TAFA5: variants seen among roughly 807,000 people sequenced by gnomAD.
TAFA5 encodes TAFA chemokine like family member 5.
In TAFA5, 6 loss-of-function variants were observed where a neutral mutation model predicts 15.3. The ratio of observed to expected loss-of-function variants is 0.39; its 90% CI spans 0.21 to 0.77. The LOEUF is 0.77. Ranked by LOEUF, TAFA5 falls within the 30% of genes least tolerant of loss-of-function variation. The probability of loss-of-function intolerance (pLI) is 0.41; values close to 1 mark genes in which losing one functional copy is unlikely to be tolerated. For missense variants in TAFA5, 161 were observed against 193.1 expected (o/e 0.83, Z 0.98); for synonymous variants, 103 against 80.7 (o/e 1.28, Z -1.48).
At chr22:48,504,451 A>G (rs1920973859) in intron 1 of TAFA5, among the ~76,000 whole-genome samples, 1 of 152,164 alleles carries the variant, frequency 6.6e-6, no homozygotes, top group African/African-American at 2.4e-5. Flanking sequence ...GGTGGCTCAC[A>G]CCATCATTTG....
rs1922891591 is a variant in TAFA5 at position 48,552,522 on chromosome 22, G to T, written c.112+62818G>T. 6.6e-6 allele frequency among the ~76,000 whole-genome samples: 1 copy of T among 152,130 alleles called. No homozygotes were observed. Among genetic ancestry groups the T allele is most frequent in the African/African-American group, 2.4e-5 (1 of 41,428 alleles). ...GAGGTGGGCAGCCTGCTCTCCTTGG[G>T]TCAGGACATGGAGACTTCACAGCCC... On this transcript the variant is annotated intron_variant, in intron 1 of 3. Transcript: ENST00000402357. This position sits in a 1 kb window ranked among gnomAD's most constrained non-coding sequence, Gnocchi z 4.1.
At chr22:48,644,081 C>G (rs1052297890) in intron 1 of TAFA5, among the ~76,000 whole-genome samples, 1 of 152,238 alleles carries the variant, frequency 6.6e-6, no homozygotes, top group Non-Finnish European at 1.5e-5. Flanking sequence ...CTCATCCTCC[C>G]GGATGCTCTT....
intron 2 of TAFA5, among the ~76,000 whole-genome samples, chr22:48,665,584 A>T (rs1025408401): frequency 4.0e-5 from 6 of 151,790 alleles, no homozygotes; most frequent in Non-Finnish European, 8.8e-5. Flanking sequence ...CTCAAGGCAC[A>T]TTTTTTTTCT....
chr22:48,681,789 A>C lies in TAFA5; in HGVS notation c.263-25928A>C, dbSNP rs188170304. 1.1e-4 allele frequency among the ~76,000 whole-genome samples: 16 copies of C among 152,280 alleles called. 1 individual carries two copies. Among genetic ancestry groups the C allele is most frequent in the African/African-American group, 3.9e-4 (16 of 41,546 alleles). ...AGAAGATGGGGTCTGTCCTTCTTGCACACACTCCGGATCCTGGGGTGTTGT... is the reference window on the plus strand; with the variant it reads ...AGAAGATGGGGTCTGTCCTTCTTGCCCACACTCCGGATCCTGGGGTGTTGT... On this transcript the variant is annotated intron_variant, in intron 2 of 3. Transcript: ENST00000402357.
At chr22:48,498,736 C>T (rs762645386) in intron 1 of TAFA5, among the ~76,000 whole-genome samples, 3 of 152,136 alleles carry the variant, frequency 2.0e-5, no homozygotes, top group Non-Finnish European at 2.9e-5. Context: ...TGCCAGGGGC[C>T]CCTCCTCCCA....
chr22:48,501,282 C>T (rs1416599469), intron 1 of TAFA5, among the ~76,000 whole-genome samples: 4 of 152,240 alleles, frequency 2.6e-5, no homozygotes, highest in Admixed American at 1.3e-4. Context: ...AGTCAGCCCC[C>T]GAGGCCTTCA....
intron 1 of TAFA5, among the ~76,000 whole-genome samples, chr22:48,542,325 ATGTGTGTGG>A (rs1225499595): frequency 1.9e-5 from 1 of 51,994 alleles, no homozygotes; most frequent in Non-Finnish European, 3.7e-5. Context: ...TGTGTGTGTG[ATGTGTGTGG>A]TGTGTGTGTG....
intron 1 of TAFA5, among the ~76,000 whole-genome samples, chr22:48,522,304 T>C (rs1921629785): frequency 6.6e-6 from 1 of 151,790 alleles, no homozygotes; most frequent in African/African-American, 2.4e-5. Flanking sequence ...GGCAGCTGCC[T>C]TGGGGGCTCT....
At chr22:48,524,427 C>CT (rs1162648088) in intron 1 of TAFA5, among the ~76,000 whole-genome samples, 2 of 152,208 alleles carry the variant, frequency 1.3e-5, no homozygotes, top group Non-Finnish European at 2.9e-5. Flanking sequence ...GTGCCTTGGC[C>CT]TAGGCGCTTG....
At chr22:48,508,183 C>G (rs1410044846) in intron 1 of TAFA5, among the ~76,000 whole-genome samples, 38 of 152,304 alleles carry the variant, frequency 2.5e-4, no homozygotes, top group African/African-American at 8.9e-4. Flanking sequence ...GGGGGCTGCA[C>G]TGTTCAGCTC....
intron 1 of TAFA5, among the ~76,000 whole-genome samples, chr22:48,636,627 G>A (rs554672438): frequency 2.6e-4 from 39 of 152,298 alleles, no homozygotes; most frequent in Admixed American, 6.5e-4. Context: ...TCTGTTGTGG[G>A]GAGACGCTCC....
At chr22:48,631,740 A>G (rs946176245) in intron 1 of TAFA5, among the ~76,000 whole-genome samples, 1 of 152,166 alleles carries the variant, frequency 6.6e-6, no homozygotes, top group Admixed American at 6.5e-5. Flanking sequence ...CTTAGGGGGA[A>G]ATCTGACGCC....
intron 1 of TAFA5, chr22:48,576,319 G>A: frequency 1.9e-6 from 2 of 1,079,306 alleles, no homozygotes; most frequent in Non-Finnish European, 2.2e-6. Flanking sequence ...GACACAAATC[G>A]CCTCCCGGAG....
At chr22:48,524,912 C>T (rs133488) in intron 1 of TAFA5, among the ~76,000 whole-genome samples, 36,065 of 152,112 alleles carry the variant, frequency 0.24, 4,747 homozygotes, top group Middle Eastern at 0.3. Context: ...CTGATCCAGG[C>T]GCGGGTTTCC....
chr22:48,604,894 G>C (rs982354264), intron 1 of TAFA5, among the ~76,000 whole-genome samples: 1 of 152,040 alleles, frequency 6.6e-6, no homozygotes, highest in African/African-American at 2.4e-5. Context: ...TTAGATTCTG[G>C]GGAGGAGGAG....
At chr22:48,734,907 A>G (rs1478988451) in intron 3 of TAFA5, among the ~76,000 whole-genome samples, 1 of 152,192 alleles carries the variant, frequency 6.6e-6, no homozygotes, top group Non-Finnish European at 1.5e-5. Flanking sequence ...TTCCCCTGGT[A>G]TTGCAGAGTA....
chr22:48,624,087 A>G (rs1925944831), intron 1 of TAFA5, among the ~76,000 whole-genome samples: 1 of 152,186 alleles, frequency 6.6e-6, no homozygotes, highest in African/African-American at 2.4e-5. Flanking sequence ...TGGCCCTGAC[A>G]GTTGCTCAGA....
In TAFA5 at chr22:48,542,676, T is replaced by C. The variant is rs376178887; in HGVS notation, c.112+52972T>C. Among the ~76,000 whole-genome samples, 25 of 135,636 alleles carry C rather than the reference T, an allele frequency of 1.8e-4. No individual in the cohort carries two copies. In the East Asian group the frequency reaches 3.4e-3, roughly 18 times the overall value. The allele number at this position is 135,636 out of a possible 152,430, so 89.0% of individuals were successfully genotyped here. On this transcript the variant is annotated intron_variant, in intron 1 of 3. Transcript: ENST00000402357. ...GTGTGTGTGTGGTGTGTGTGTGATG[T>C]TTGTGTGGTGTATGTGTGGTGTGTG...
intron 3 of TAFA5, among the ~76,000 whole-genome samples, chr22:48,736,605 C>T (rs1438225753): frequency 6.6e-6 from 1 of 152,212 alleles, no homozygotes; most frequent in Non-Finnish European, 1.5e-5. Flanking sequence ...TCAGCGGTCC[C>T]ACGGAAAAAC....
Sources: allele counts gnomAD v4.1 joint callset (sites outside exome capture counted in the v4.1 genomes callset), GRCh38; gene constraint gnomAD v4.1.1; non-coding constraint Gnocchi (gnomAD v3.1); transcripts MANE v1.5; gene names NCBI Gene and HGNC (gene_info 2026-07-23, HGNC 2026-07-21).